Variants in AK8 observed in about 807,000 individuals in gnomAD.
The protein encoded by AK8 is adenylate kinase 8, also known as ATP-AMP transphosphorylase 8.
AK8 carries 44 observed loss-of-function variants against 54.6 expected under a neutral mutation model. The observed-to-expected ratio is 0.81, with a 90% CI of 0.63 to 1.04. The LOEUF is 1.04. Ranked by LOEUF, AK8 falls within the 50% of genes least tolerant of loss-of-function variation. The pLI, the probability that AK8 is intolerant of heterozygous loss-of-function variation, is 0.00. For missense variants in AK8, 555 were observed against 613.6 expected (o/e 0.90, Z 1.01); for synonymous variants, 239 against 245.6 (o/e 0.97, Z 0.25).
chr9:132,744,755 TATGA>T (rs536645060), intron 11 of AK8, among the ~76,000 whole-genome samples: 146 of 152,358 alleles, frequency 9.6e-4, no homozygotes, highest in African/African-American at 3.2e-3. Flanking sequence ...CTGAATATTT[TATGA>T]ATATTTGTCA....
intron 3 of AK8, among the ~76,000 whole-genome samples, chr9:132,864,052 G>C (rs961800885): frequency 1.3e-5 from 2 of 152,150 alleles, no homozygotes; most frequent in African/African-American, 4.8e-5. Flanking sequence ...GCTGCCCTTG[G>C]CGTGCTTTCC....
At chr9:132,729,686 T>A (rs1189142810) in intron 11 of AK8, among the ~76,000 whole-genome samples, 2 of 152,178 alleles carry the variant, frequency 1.3e-5, no homozygotes, top group Non-Finnish European at 2.9e-5. Flanking sequence ...GCACTAAATT[T>A]AAGAGTCTCC....
rs181085904 is a variant in AK8, at chr9:132,864,777, G to A, written c.220-999C>T. ...GGACTTGCCGAAAGCAGGTCTCTGC[G>A]TTCTGAATCTGCTCTGCCCAGCAGA... is the stretch of plus-strand genomic sequence containing the variant. On this transcript the variant is annotated intron_variant, in intron 3 of 12. Coordinates refer to ENST00000298545, the MANE Select transcript of AK8 (RefSeq NM_152572.3). Among the ~76,000 whole-genome samples, 17 of 152,310 alleles carry A rather than the reference G, an allele frequency of 1.1e-4. No individual in the cohort carries two copies. The South Asian group carries it at 1.9e-3, about 17-fold the overall frequency.
intron 11 of AK8, among the ~76,000 whole-genome samples, chr9:132,753,308 G>A (rs973303090): frequency 4.6e-5 from 7 of 152,250 alleles, no homozygotes; most frequent in African/African-American, 1.4e-4. Context: ...TATGCTAGGG[G>A]CTGGGCCTGG....
rs1840360598 is a variant in AK8, at chr9:132,799,867, G to A, written c.980-7092C>T. On this transcript the variant is annotated intron_variant, in intron 10 of 12. Transcript: ENST00000298545. This position sits in a 1 kb window ranked among gnomAD's most constrained non-coding sequence, Gnocchi z 5.0. ...AAGATGAGCATCAGTGTTCATGGGG[G>A]AGGCTGGCATTTGCTTCTCTTTCTC... Among the ~76,000 whole-genome samples the A allele has an allele frequency of 6.6e-6, 1 of 152,108 alleles. No homozygotes were observed. The highest frequency in any genetic ancestry group is 1.5e-5 in the Non-Finnish European group (1 of 68,020).
intron 11 of AK8, among the ~76,000 whole-genome samples, chr9:132,746,698 C>T (rs1377993242): frequency 1.3e-5 from 2 of 152,164 alleles, no homozygotes; most frequent in Non-Finnish European, 2.9e-5. Context: ...TCAAATGGAG[C>T]AACCAGTGAG....
At chr9:132,841,316 A>C (rs1222690734) in intron 5 of AK8, among the ~76,000 whole-genome samples, 1 of 152,222 alleles carries the variant, frequency 6.6e-6, no homozygotes, top group Non-Finnish European at 1.5e-5. Flanking sequence ...CATAAGAATC[A>C]CATTCCCGGT....
chr9:132,805,642 G>C (rs555773518), intron 10 of AK8, among the ~76,000 whole-genome samples: 16 of 152,196 alleles, frequency 1.1e-4, no homozygotes, highest in Non-Finnish European at 2.4e-4. Flanking sequence ...AAAAATCAAA[G>C]AGAAGGACCC....
chr9:132,773,054 C>T (rs1245775736), intron 11 of AK8, among the ~76,000 whole-genome samples: 2 of 152,264 alleles, frequency 1.3e-5, no homozygotes, highest in African/African-American at 2.4e-5. Context: ...CACAGTGGCT[C>T]CCACATCACT....
At position 132,777,524 on chromosome 9, in the gene AK8, A is replaced by G. The variant is rs141360357; in HGVS notation, c.1121+15110T>C. Among the ~76,000 whole-genome samples the G allele has an allele frequency of 5.4e-3, 828 of 152,318 alleles. 12 individuals carry two copies. Among genetic ancestry groups the G allele is most frequent in the African/African-American group, 0.019 (780 of 41,560 alleles). The stretch of plus-strand genomic sequence containing the variant: ...TAGCAAACTCAGATTTCAACTTTGA[A>G]TCTGTTGACAACATTATCTCAGTTG... On this transcript the variant is annotated intron_variant, in intron 11 of 12. Transcript: ENST00000298545.
At chr9:132,866,616 G>C (rs895977388) in intron 3 of AK8, among the ~76,000 whole-genome samples, 3 of 152,198 alleles carry the variant, frequency 2.0e-5, no homozygotes, top group Non-Finnish European at 4.4e-5. Context: ...ATATAGCGAA[G>C]GGTGAGCAAG....
intron 9 of AK8, among the ~76,000 whole-genome samples, chr9:132,818,645 C>T (rs2131274142): frequency 1.3e-5 from 2 of 151,968 alleles, no homozygotes; most frequent in South Asian, 4.2e-4. Context: ...CAAAAGGTGG[C>T]AGGAAAGGAG....
chr9:132,731,599 C>T (rs1421081758), intron 11 of AK8, among the ~76,000 whole-genome samples: 1 of 152,216 alleles, frequency 6.6e-6, no homozygotes, highest in East Asian at 1.9e-4. Context: ...AAGGGCTTAT[C>T]ACAAGGCTGA....
At chr9:132,765,981 A>C (rs959131681) in intron 11 of AK8, among the ~76,000 whole-genome samples, 1 of 152,280 alleles carries the variant, frequency 6.6e-6, no homozygotes, top group African/African-American at 2.4e-5. Context: ...TGATAAACAC[A>C]TTTAATAAAG....
At chr9:132,811,449 C>T (rs1379874695) in intron 10 of AK8, among the ~76,000 whole-genome samples, 5 of 152,152 alleles carry the variant, frequency 3.3e-5, no homozygotes, top group African/African-American at 4.8e-5. Context: ...GAAGGGGCCA[C>T]GAGCCAAAGC....
At chr9:132,793,805 T>C (rs1050314000) in intron 10 of AK8, among the ~76,000 whole-genome samples, 6 of 152,232 alleles carry the variant, frequency 3.9e-5, no homozygotes, top group African/African-American at 1.4e-4. Flanking sequence ...AAATACTTGG[T>C]AAATATTACC....
intron 11 of AK8, among the ~76,000 whole-genome samples, chr9:132,786,147 C>T (rs1169165065): frequency 6.6e-6 from 1 of 152,206 alleles, no homozygotes; most frequent in African/African-American, 2.4e-5. Flanking sequence ...CCCAGAAAAT[C>T]CTCAAAAGGC....
chr9:132,751,397 C>A (rs201733328), intron 11 of AK8, among the ~76,000 whole-genome samples: 2,350 of 127,960 alleles, frequency 0.018, 43 homozygotes, highest in African/African-American at 0.035. Flanking sequence ...AAAAAAAAAA[C>A]AAAAAAAACC....
At chr9:132,726,068 T>C in intron 12 of AK8, 143 bp from the exon 13 acceptor site, 1 of 676,694 alleles carries the variant, frequency 1.5e-6, no homozygotes, top group South Asian at 1.9e-5. Flanking sequence ...TGTACTGCTG[T>C]GTGCACACCT....
Sources: allele counts gnomAD v4.1 joint callset (sites outside exome capture counted in the v4.1 genomes callset), GRCh38; gene constraint gnomAD v4.1.1; non-coding constraint Gnocchi (gnomAD v3.1); transcripts MANE v1.5; gene names NCBI Gene and HGNC (gene_info 2026-07-23, HGNC 2026-07-21).